PCDHGB2: variants seen among roughly 807,000 people sequenced by gnomAD.
PCDHGB2 encodes protocadherin gamma-B2.
Under a neutral mutation model 59.3 loss-of-function variants are expected in PCDHGB2, and 55 were observed. The observed-to-expected ratio is 0.93, with a 90% CI of 0.75 to 1.16. PCDHGB2 has a LOEUF of 1.16. PCDHGB2 is among the 50% of genes most tolerant of loss of function. The pLI is 0.00. For synonymous variants in PCDHGB2, 516 were observed against 512.0 expected (o/e 1.01, Z -0.11); for missense variants, 1,228 against 1,198.5 (o/e 1.02, Z -0.36).
intron 2 of PCDHGB2, among the ~76,000 whole-genome samples, chr5:141,501,102 C>G (rs951290710): frequency 2.0e-5 from 3 of 152,014 alleles, no homozygotes; most frequent in African/African-American, 4.8e-5. Flanking sequence ...CTCTTGACCT[C>G]GTGATCCGCC....
intron 1 of PCDHGB2, chr5:141,415,561 T>C (rs11575963): frequency 0.067 from 108,836 of 1,614,090 alleles, 4,260 homozygotes; most frequent in Non-Finnish European, 0.077. Context: ...CGATCCTTTG[T>C]CTTTGTTAGA....
intron 1 of PCDHGB2, chr5:141,422,335 C>T (rs1196951059): frequency 6.5e-7 from 1 of 1,549,804 alleles, no homozygotes; most frequent in Non-Finnish European, 8.7e-7. Flanking sequence ...GATTGCTCTT[C>T]TAAATGTGCA....
At position 141,360,035 on chromosome 5, in the gene PCDHGB2, G is replaced by A. The variant is rs78319344; in HGVS notation, c.-101G>A. The A allele has an allele frequency of 1.7e-3, 2,428 of 1,406,266 alleles. 36 individuals carry two copies. In the African/African-American group the frequency reaches 0.032, roughly 18 times the overall value. The allele number at this position is 1,406,266 out of a possible 1,614,324, so 87.1% of individuals were successfully genotyped here. On this transcript the variant is annotated 5_prime_UTR_variant, in exon 1 of 4. Transcript: ENST00000522605. ...CACAGAGAAGGCCAGTATAGATTCGGAAACAGAAAACAAAAGCAGGAAAAG... is the reference window on the plus strand; with the variant it reads ...CACAGAGAAGGCCAGTATAGATTCGAAAACAGAAAACAAAAGCAGGAAAAG...
intron 1 of PCDHGB2, chr5:141,375,379 G>C (rs763011403): frequency 1.2e-6 from 2 of 1,613,794 alleles, no homozygotes; most frequent in Non-Finnish European, 1.7e-6. Context: ...CACCACCTCT[G>C]TCTACAGAAA....
At chr5:141,419,792 G>T (rs1379811891) in intron 1 of PCDHGB2, 15 of 1,613,924 alleles carry the variant, frequency 9.3e-6, no homozygotes, top group African/African-American at 2.7e-5. Flanking sequence ...CCTGCTAGTC[G>T]CTGTAAGAGA....
chr5:141,408,153 C>T, intron 1 of PCDHGB2: 4 of 1,509,360 alleles, frequency 2.7e-6, no homozygotes, highest in Non-Finnish European at 3.6e-6. Context: ...CGGTAGAGTG[C>T]ACTTTCTCCA....
intron 1 of PCDHGB2, chr5:141,424,572 T>C (rs1272121500): frequency 6.6e-6 from 1 of 152,238 alleles, no homozygotes; most frequent in East Asian, 1.9e-4. Context: ...CAAAAACCTA[T>C]TTTCAAATGT....
At chr5:141,501,198 G>C (rs2299024) in intron 2 of PCDHGB2, among the ~76,000 whole-genome samples, 89,086 of 151,686 alleles carry the variant, frequency 0.59, 27,759 homozygotes, top group African/African-American at 0.8. Context: ...TAAATTCAGG[G>C]TGTTGTCAGG....
Position 141,432,410 on chromosome 5 carries a change from T to C in PCDHGB2, c.2422-62397T>C. On this transcript the variant is annotated intron_variant, in intron 1 of 3. Transcript: ENST00000522605. This position sits in a 1 kb window ranked among gnomAD's most constrained non-coding sequence, Gnocchi z 6.0. The stretch of plus-strand genomic sequence containing the variant: ...CAGCAGCAACGTGTCGTTGAGCCTG[T>C]TCGTGCTGGACCAGAACGACAATGC... 6.2e-7 allele frequency: 1 copy of C among 1,614,228 alleles called. No homozygotes were observed. Among genetic ancestry groups the C allele is most frequent in the East Asian group, 2.2e-5 (1 of 44,884 alleles).
chr5:141,478,481 C>A, intron 1 of PCDHGB2: 1 of 1,613,576 alleles, frequency 6.2e-7, no homozygotes, highest in South Asian at 1.1e-5. Flanking sequence ...CCAGAACACG[C>A]TGCGGAGCTG....
intron 1 of PCDHGB2, chr5:141,395,337 T>G (rs1265011600): frequency 7.0e-7 from 1 of 1,433,514 alleles, no homozygotes; most frequent in African/African-American, 1.4e-5. Context: ...AAATAATTTT[T>G]AAGGTGTATC....
intron 3 of PCDHGB2, among the ~76,000 whole-genome samples, chr5:141,509,056 G>A (rs1303823294): frequency 1.3e-5 from 2 of 152,178 alleles, no homozygotes; most frequent in Admixed American, 6.5e-5. Context: ...CCCCCAGAAA[G>A]CTCTCAGCTC....
intron 1 of PCDHGB2, among the ~76,000 whole-genome samples, chr5:141,454,796 A>ATTTTTTTTTTTTTTTTTTTTTTTTTTT (rs61612330): frequency 3.9e-5 from 3 of 77,408 alleles, no homozygotes; most frequent in Admixed American, 1.8e-4. Flanking sequence ...CATGGTTCTA[A>ATTTTTTTTTTTTTTTTTTTTTTTTTTT]TTTTTTTTTT....
chr5:141,398,752 C>G lies in PCDHGB2; in HGVS notation c.2421+36196C>G, dbSNP rs1196162576. On this transcript the variant is annotated intron_variant, in intron 1 of 3. Coordinates refer to ENST00000522605, the MANE Select transcript of PCDHGB2 (RefSeq NM_018923.3). ...AGACCGGGAACAACAGAGTTACCAT[C>G]GTTTAGTCCTGACTGCCTTGGACGG... is the stretch of plus-strand genomic sequence containing the variant. The G allele has an allele frequency of 7.4e-6, 12 of 1,613,482 alleles. No homozygotes were observed. In the South Asian group the frequency reaches 1.2e-4, roughly 16 times the overall value.
In PCDHGB2 at chr5:141,393,130, T is replaced by C. The variant is rs752035971; in HGVS notation, c.2421+30574T>C. 19 of 1,613,248 alleles carry C rather than the reference T, an allele frequency of 1.2e-5. No individual in the cohort carries two copies. In the Admixed American group the frequency reaches 2.7e-4, roughly 23 times the overall value. On this transcript the variant is annotated intron_variant, in intron 1 of 3. Transcript: ENST00000522605. ...CAGAGCCCGCGGTGTCTGATAAATA[T>C]TAACACCCTGGTTGAGGATAAAGGA...
intron 1 of PCDHGB2, chr5:141,411,444 T>C (rs1589800236): frequency 6.8e-6 from 1 of 147,662 alleles, no homozygotes; most frequent in African/African-American, 2.5e-5. Context: ...ATTAGCAGAG[T>C]GTGGTAGCAT....
chr5:141,374,926 TG>T, intron 1 of PCDHGB2: 2 of 1,613,970 alleles, frequency 1.2e-6, no homozygotes, highest in Non-Finnish European at 1.7e-6. Context: ...CTTATTCCTT[TG>T]TGAAGATTAC....
chr5:141,362,635 C>T (rs1762607896), intron 1 of PCDHGB2, 79 bp downstream of exon 1: 2 of 1,483,024 alleles, frequency 1.3e-6, no homozygotes, highest in Non-Finnish European at 1.8e-6. Context: ...CTGCGTATTT[C>T]TTTGTCTGTG....
At position 141,486,778 on chromosome 5, in the gene PCDHGB2, G is replaced by A. The variant is rs750169906; in HGVS notation, c.2422-8029G>A. The A allele has an allele frequency of 1.2e-6, 2 of 1,614,104 alleles. No individual in the cohort carries two copies. Among genetic ancestry groups the A allele is most frequent in the Admixed American group, 1.7e-5 (1 of 60,006 alleles). ...AAACCCAGACACTGCAGTTTGAGGT[G>A]CAGGCCCGGGATCGGGGCAACCCAC... is the stretch of plus-strand genomic sequence containing the variant. On this transcript the variant is annotated intron_variant, in intron 1 of 3. Coordinates refer to ENST00000522605, the MANE Select transcript of PCDHGB2 (RefSeq NM_018923.3). This position sits in a 1 kb window ranked among gnomAD's most constrained non-coding sequence, Gnocchi z 5.0.
Sources: gnomAD v4.1 joint callset for allele counts (sites outside exome capture counted in the v4.1 genomes callset) on GRCh38, gnomAD v4.1.1 for gene constraint, Gnocchi (gnomAD v3.1) non-coding constraint, MANE v1.5 for transcripts, NCBI Gene and HGNC (gene_info 2026-07-23, HGNC 2026-07-21) for gene names.